CKAP2L: variants seen among roughly 807,000 people sequenced by gnomAD.
CKAP2L encodes the protein cytoskeleton associated protein 2L.
A neutral mutation model predicts 65.7 loss-of-function variants in CKAP2L; 42 were observed. The ratio of observed to expected loss-of-function variants is 0.64; its 90% CI spans 0.50 to 0.83. CKAP2L has a LOEUF of 0.83. Among genes scored for constraint, CKAP2L ranks in the 40% least tolerant of loss-of-function variants. CKAP2L has a pLI of 0.00. For missense variants in CKAP2L, 908 were observed against 871.0 expected, an observed-to-expected ratio of 1.04 and a Z score of -0.53; for synonymous variants, 325 against 313.5, an observed-to-expected ratio of 1.04 and a Z score of -0.39.
At chr2:112,762,108 G>A (rs1240027373) in intron 2 of CKAP2L, among the ~76,000 whole-genome samples, 1 of 152,178 alleles carries the variant, frequency 6.6e-6, no homozygotes, top group African/African-American at 2.4e-5. Context: ...TGCTACGGAG[G>A]ATTGATTGTA....
intron 5 of CKAP2L, among the ~76,000 whole-genome samples, chr2:112,751,787 C>T (rs971944152): frequency 2.0e-5 from 3 of 151,962 alleles, no homozygotes; most frequent in African/African-American, 7.3e-5. Flanking sequence ...TACTCTTTGC[C>T]TACCATCTAT....
rs1680521986 is a variant in CKAP2L at position 112,756,054 on chromosome 2, A to G, written c.1317T>C (p.Thr439=). The G allele has an allele frequency of 6.2e-7, 1 of 1,613,426 alleles. No homozygotes were observed. The highest frequency in any genetic ancestry group is 1.3e-5 in the African/African-American group (1 of 74,918). ...CATTTACGGTTGTGACATCAGCTTG[A>G]GTTTTGGGAGCTGTCTTGTTCAGAA... ...NHFLNKTAPK[T]QADVTTVNGT... is the part of the protein sequence containing the mutation. Residue 439 remains threonine, a synonymous_variant, in exon 4 of 9, where the codon ACT becomes ACC. Transcript: ENST00000302450.
rs34358218 is a variant in CKAP2L, at chr2:112,756,449, T to C, written c.922A>G (p.Ser308Gly). Residue 308 changes from serine (S) to glycine (G), a missense_variant, in exon 4 of 9, where the codon AGT becomes GGT. Coordinates refer to ENST00000302450, the MANE Select transcript of CKAP2L (RefSeq NM_152515.5). ...KNIKDIKVNR[S>G]QYERPNETKI... ...GTTTCATTTGGTCTTTCATATTGACTCCTATTAACCTTTATATCTTTGATG... is the reference window on the plus strand; with the variant it reads ...GTTTCATTTGGTCTTTCATATTGACCCCTATTAACCTTTATATCTTTGATG... 1.0e-3 allele frequency: 1,651 copies of C among 1,613,646 alleles called. 9 individuals carry two copies. The highest frequency in any genetic ancestry group is 8.4e-3 in the Middle Eastern group (51 of 6,058).
At chr2:112,747,620 T>A (rs543083247) in intron 5 of CKAP2L, among the ~76,000 whole-genome samples, 2 of 151,616 alleles carry the variant, frequency 1.3e-5, no homozygotes, top group East Asian at 3.9e-4. Context: ...AGCAGGACAG[T>A]GACATGGACC....
Position 112,757,159 on chromosome 2 carries a change from T to G in CKAP2L, c.212A>C (p.Lys71Thr). 1 of 1,613,716 alleles carries G rather than the reference T, an allele frequency of 6.2e-7. No individual in the cohort carries two copies. The highest frequency in any genetic ancestry group is 8.5e-7 in the Non-Finnish European group (1 of 1,179,794). Residue 71 changes from lysine to threonine, a missense_variant, in exon 4 of 9, where the codon AAA (lysine) becomes ACA (threonine). By Grantham distance (78) the Lys-to-Thr change is moderately conservative (BLOSUM62 -1). Coordinates refer to ENST00000302450, the MANE Select transcript of CKAP2L (RefSeq NM_152515.5). ...CTGGAGTTTAATGCTGATGGACCTT[T>G]TAGGTTTGACAGGCAAAACAACATG... ...TNHVVLPVKP[K>T]RSISIKLQPR... is the part of the protein sequence containing the mutation.
intron 5 of CKAP2L, among the ~76,000 whole-genome samples, chr2:112,748,422 A>ATTCTT (rs1316634725): frequency 4.8e-5 from 7 of 147,076 alleles, no homozygotes; most frequent in Admixed American, 2.1e-4. Context: ...GAAATTAAGA[A>ATTCTT]ATTTCCCCCA....
intron 4 of CKAP2L, 44 bp from the exon 5 acceptor site, chr2:112,752,518 CAT>C (rs772585735): frequency 1.2e-5 from 14 of 1,209,840 alleles, no homozygotes; most frequent in Non-Finnish European, 1.5e-5. Context: ...TATTTTTAAA[CAT>C]AGTCAAGCTG....
intron 8 of CKAP2L, 108 bp from the exon 9 acceptor site, chr2:112,739,156 G>C: frequency 1.2e-6 from 1 of 862,016 alleles, no homozygotes; most frequent in Non-Finnish European, 1.8e-6. Flanking sequence ...TTTTAACATA[G>C]GGTGATACAA....
At position 112,760,726 on chromosome 2, in the gene CKAP2L, G is replaced by A. The variant is rs1680692551; in HGVS notation, c.143C>T (p.Pro48Leu). ...ATTTCTACTTACAGATTTAGAAGGT[G>A]GTTGATTCTGGCAATTATTCTTGGA... Reference protein sequence around the residue: ...LKSKNNCQNQPPSKSTIRPKN... With the variant: ...LKSKNNCQNQLPSKSTIRPKN... The change falls in exon 3 of 9, where the codon CCA becomes CTA. Residue 48 changes from proline (P) to leucine (L), a missense_variant. Coordinates refer to ENST00000302450, the MANE Select transcript of CKAP2L (RefSeq NM_152515.5). The A allele has an allele frequency of 1.3e-6, 2 of 1,494,540 alleles. No individual in the cohort carries two copies. Among genetic ancestry groups the A allele is most frequent in the African/African-American group, 1.4e-5 (1 of 70,796 alleles). 92.6% of individuals were successfully genotyped at this position (1,494,540 alleles called of 1,614,324 possible).
chr2:112,756,235 G>C lies in CKAP2L; in HGVS notation c.1136C>G (p.Pro379Arg). 6.2e-7 allele frequency: 1 copy of C among 1,614,170 alleles called. No homozygotes were observed. Among genetic ancestry groups the C allele is most frequent in the South Asian group, 1.1e-5 (1 of 91,074 alleles). Residue 379 changes from proline to arginine, a missense_variant, in exon 4 of 9, where the codon CCT (proline) becomes CGT (arginine). Physicochemically the swap from Pro to Arg is moderately radical, Grantham distance 103. Transcript: ENST00000302450. ...ATTAAATCTGCCAACTGTCAAATTA[G>C]GCCTCTGGCTTATGGCTTTTGACTT... ...LQKSKAISQR[P>R]NLTVGRFNSA...
chr2:112,750,655 T>C (rs181182428), intron 5 of CKAP2L, among the ~76,000 whole-genome samples: 1 of 152,358 alleles, frequency 6.6e-6, no homozygotes. Context: ...AGATACTGTG[T>C]AACCAATTAC....
intron 2 of CKAP2L, among the ~76,000 whole-genome samples, chr2:112,761,492 T>C (rs1680719943): frequency 6.6e-6 from 1 of 150,558 alleles, no homozygotes; most frequent in African/African-American, 2.4e-5. Context: ...AAAAATTTCC[T>C]TGTTTTCAGT....
chr2:112,761,614 T>C (rs1287243375), intron 2 of CKAP2L, among the ~76,000 whole-genome samples: 1 of 146,994 alleles, frequency 6.8e-6, no homozygotes, highest in African/African-American at 2.5e-5. Flanking sequence ...AGAAAAAGGA[T>C]TGGAAAACAG....
Position 112,738,600 on chromosome 2 carries a change from T to C in CKAP2L, c.*223A>G. ...AGGGTAAATATTCAAAAGTTTGAAA[T>C]TTATGTATACTGTAAAACTGGCAAA... On this transcript the variant is annotated 3_prime_UTR_variant, in exon 9 of 9. Coordinates refer to ENST00000302450, the MANE Select transcript of CKAP2L (RefSeq NM_152515.5). The C allele has an allele frequency of 1.8e-6, 1 of 541,538 alleles. No individual in the cohort carries two copies. The highest frequency in any genetic ancestry group is 3.3e-6 in the Non-Finnish European group (1 of 306,744). The allele number at this position is 541,538 out of a possible 1,614,324, so 33.5% of individuals were successfully genotyped here.
In CKAP2L at chr2:112,757,003, T is replaced by C. The variant is rs1573234965; in HGVS notation, c.368A>G (p.Gln123Arg). 2 of 1,614,234 alleles carry C rather than the reference T, an allele frequency of 1.2e-6. No individual in the cohort carries two copies. The highest frequency in any genetic ancestry group is 2.2e-5 in the East Asian group (1 of 44,894). ...YSKPSSKSFQ[Q>R]CEAGSSTTGE... ...TGTTGTGGACGATCCAGCTTCACAC[T>C]GTTGAAAACTCTTGCTAGAAGGCTT... Residue 123 changes from glutamine (Q) to arginine (R), a missense_variant, in exon 4 of 9, where the codon CAG becomes CGG. By Grantham distance (43) the Gln-to-Arg change is conservative. Transcript: ENST00000302450.
At chr2:112,739,361 C>T (rs1434955448) in intron 8 of CKAP2L, among the ~76,000 whole-genome samples, 3 of 152,098 alleles carry the variant, frequency 2.0e-5, no homozygotes, top group Non-Finnish European at 4.4e-5. Context: ...GTCAAGGCTG[C>T]AGTGAGCTAT....
intron 6 of CKAP2L, among the ~76,000 whole-genome samples, chr2:112,743,728 G>A (rs921666847): frequency 1.3e-5 from 2 of 152,184 alleles, no homozygotes; most frequent in African/African-American, 4.8e-5. Context: ...GTAAGCCACT[G>A]TGCCTGGCCC....
At chr2:112,741,553 G>A (rs879266989) in intron 7 of CKAP2L, among the ~76,000 whole-genome samples, 1 of 152,224 alleles carries the variant, frequency 6.6e-6, no homozygotes, top group Non-Finnish European at 1.5e-5. Context: ...TGTGGCTAGA[G>A]GCTGACACCC....
At chr2:112,762,700 T>A in intron 1 of CKAP2L, 131 bp from the exon 2 acceptor site, 1 of 689,108 alleles carries the variant, frequency 1.5e-6, no homozygotes, top group Non-Finnish European at 2.6e-6. Flanking sequence ...AAATCCCTAG[T>A]CCTATAAATG....
Sources: gnomAD v4.1 joint callset for allele counts (sites outside exome capture counted in the v4.1 genomes callset) on GRCh38, gnomAD v4.1.1 for gene constraint, MANE v1.5 for transcripts, NCBI Gene and HGNC (gene_info 2026-07-23, HGNC 2026-07-21) for gene names.